NMNAT3: variants seen among roughly 807,000 people sequenced by gnomAD.
The protein encoded by NMNAT3 is nicotinamide nucleotide adenylyltransferase 3.
NMNAT3 carries 21 observed loss-of-function variants against 24.8 expected under a neutral mutation model. The observed-to-expected ratio is 0.85, with a 90% CI of 0.60 to 1.22. The LOEUF is 1.22. Ranked by LOEUF, NMNAT3 falls within the 50% of genes most tolerant of loss-of-function variation. The pLI is 0.00. For missense variants in NMNAT3, 387 were observed against 436.6 expected (o/e 0.89, Z 1.01); for synonymous variants, 136 against 155.2 (o/e 0.88, Z 0.92).
At chr3:139,574,840 C>T (rs1467457620) in intron 5 of NMNAT3, among the ~76,000 whole-genome samples, 1 of 152,084 alleles carries the variant, frequency 6.6e-6, no homozygotes, top group Non-Finnish European at 1.5e-5. Context: ...GGGGAAGTGG[C>T]CTGCTGCTGA....
chr3:139,566,029 T>C (rs895440368), intron 6 of NMNAT3: 2 of 152,156 alleles, frequency 1.3e-5, no homozygotes, highest in Non-Finnish European at 2.9e-5. Context: ...ACCTGTTGTT[T>C]CCTGACTTTT....
At chr3:139,603,345 G>T (rs890672353) in intron 3 of NMNAT3, among the ~76,000 whole-genome samples, 1 of 152,140 alleles carries the variant, frequency 6.6e-6, no homozygotes, top group Admixed American at 6.5e-5. Flanking sequence ...CACGGGAATT[G>T]GTTACTTTCA....
At chr3:139,605,394 G>T (rs1315436811) in intron 3 of NMNAT3, among the ~76,000 whole-genome samples, 1 of 152,100 alleles carries the variant, frequency 6.6e-6, no homozygotes, top group Non-Finnish European at 1.5e-5. Context: ...ATCTGTGAGG[G>T]TATAAACCCA....
chr3:139,621,727 C>A (rs2055784473), intron 3 of NMNAT3, among the ~76,000 whole-genome samples: 1 of 152,164 alleles, frequency 6.6e-6, no homozygotes, highest in African/African-American at 2.4e-5. Flanking sequence ...TAGTTCTCTT[C>A]ATCCTTCTGC....
chr3:139,564,860 T>C (rs1401633003), intron 6 of NMNAT3, among the ~76,000 whole-genome samples: 1 of 152,240 alleles, frequency 6.6e-6, no homozygotes, highest in East Asian at 1.9e-4. Context: ...TCAAACTGTG[T>C]TCATTATGGA....
intron 1 of NMNAT3, among the ~76,000 whole-genome samples, chr3:139,667,187 T>A (rs1380286476): frequency 6.6e-6 from 1 of 152,246 alleles, no homozygotes; most frequent in Non-Finnish European, 1.5e-5. Context: ...CTGCTCTTCA[T>A]AATGGTTGTA....
At chr3:139,629,112 A>G (rs2056181136) in intron 2 of NMNAT3, among the ~76,000 whole-genome samples, 1 of 152,286 alleles carries the variant, frequency 6.6e-6, no homozygotes, top group African/African-American at 2.4e-5. Flanking sequence ...AGTGGTTACC[A>G]CTTCTGAGAT....
chr3:139,608,193 G>A (rs1293921128), intron 3 of NMNAT3, among the ~76,000 whole-genome samples: 5 of 152,202 alleles, frequency 3.3e-5, no homozygotes, highest in African/African-American at 1.2e-4. Flanking sequence ...TGCCTCCTCA[G>A]GAAGTGAAGA....
At chr3:139,664,045 G>A (rs2057501725) in intron 1 of NMNAT3, among the ~76,000 whole-genome samples, 2 of 152,218 alleles carry the variant, frequency 1.3e-5, no homozygotes, top group African/African-American at 4.8e-5. Flanking sequence ...AACAGAAGTT[G>A]AGAAAATCAG....
At chr3:139,637,535 G>A (rs1191401592) in intron 2 of NMNAT3, 1 of 152,190 alleles carries the variant, frequency 6.6e-6, no homozygotes, top group Non-Finnish European at 1.5e-5. Context: ...GTCAGTCTCA[G>A]CCTTAGTGAA....
chr3:139,651,509 C>T (rs140376573), intron 1 of NMNAT3, among the ~76,000 whole-genome samples: 1 of 152,310 alleles, frequency 6.6e-6, no homozygotes, highest in East Asian at 1.9e-4. Context: ...AGAAGAGAAG[C>T]TATGCTTTAT....
rs78432838 is a variant in NMNAT3, at chr3:139,638,410, T to A, written c.-140-348A>T. On this transcript the variant is annotated intron_variant, in intron 1 of 6. Coordinates refer to ENST00000643695, the MANE Select transcript of NMNAT3 (RefSeq NM_001320510.2). ...CACTCCAGTCTAACAGTGGGCAATA[T>A]GCCACATTTAGTGTTGGGAAAGCAT... Among the ~76,000 whole-genome samples the A allele has an allele frequency of 9.0e-3, 1,369 of 152,290 alleles. 23 individuals are homozygous for A. Among genetic ancestry groups the A allele is most frequent in the East Asian group, 0.047 (240 of 5,154 alleles).
intron 1 of NMNAT3, among the ~76,000 whole-genome samples, chr3:139,675,135 T>TACACACACACACACAAACACGCAC (rs1553766849): frequency 1.3e-5 from 2 of 148,228 alleles, no homozygotes; most frequent in East Asian, 2.0e-4. Context: ...CTTTTAAACA[T>TACACACACACACACAAACACGCAC]ACACACACAC....
chr3:139,645,673 AC>A (rs1301823603), intron 1 of NMNAT3, among the ~76,000 whole-genome samples: 1 of 152,142 alleles, frequency 6.6e-6, no homozygotes, highest in African/African-American at 2.4e-5. Context: ...GAGTTTTCCT[AC>A]CCAACAATTT....
intron 2 of NMNAT3, among the ~76,000 whole-genome samples, chr3:139,628,696 C>A (rs1028622622): frequency 6.6e-6 from 1 of 152,180 alleles, no homozygotes; most frequent in Admixed American, 6.5e-5. Flanking sequence ...TGAGATGCTG[C>A]CTCCTCGAGG....
chr3:139,567,356 T>C (rs1455161132), intron 6 of NMNAT3: 1 of 152,182 alleles, frequency 6.6e-6, no homozygotes, highest in African/African-American at 2.4e-5. Context: ...TTTATTTCCT[T>C]CTCCTGCCTG....
chr3:139,599,330 G>A, intron 3 of NMNAT3: 1 of 702,486 alleles, frequency 1.4e-6, no homozygotes, highest in Non-Finnish European at 2.6e-6. Flanking sequence ...GCTTTTGCTG[G>A]GAGAAGCTTG....
At chr3:139,595,306 G>A (rs1232354466) in intron 3 of NMNAT3, among the ~76,000 whole-genome samples, 3 of 152,072 alleles carry the variant, frequency 2.0e-5, no homozygotes, top group African/African-American at 4.8e-5. Context: ...TCAAGGAAAT[G>A]AAAGAGGATA....
intron 6 of NMNAT3, among the ~76,000 whole-genome samples, chr3:139,564,743 A>G (rs1936916425): frequency 6.6e-6 from 1 of 152,228 alleles, no homozygotes; most frequent in Admixed American, 6.5e-5. Context: ...CTTTAGAAAT[A>G]TGTCACTAGT....
Sources: gnomAD v4.1 joint callset for allele counts (sites outside exome capture counted in the v4.1 genomes callset) on GRCh38, gnomAD v4.1.1 for gene constraint, MANE v1.5 for transcripts, NCBI Gene and HGNC (gene_info 2026-07-23, HGNC 2026-07-21) for gene names.